DOP1A: variants seen among roughly 807,000 people sequenced by gnomAD.
DOP1A encodes DOP1 leucine zipper like protein A, also known as protein DOP1A.
In DOP1A, 90 loss-of-function variants were observed where a neutral mutation model predicts 267.6. The ratio of observed to expected loss-of-function variants is 0.34; its 90% CI spans 0.28 to 0.40. The LOEUF is 0.40. Among genes scored for constraint, DOP1A ranks in the 10% least tolerant of loss-of-function variants. The pLI is 1.00. For missense variants in DOP1A, 2,437 were observed against 2,900.4 expected, an observed-to-expected ratio of 0.84 and a Z score of 3.67; for synonymous variants, 932 against 999.1, an observed-to-expected ratio of 0.93 and a Z score of 1.27.
rs779847169 is a variant in DOP1A at position 83,124,785 on chromosome 6, T to C, written c.1421T>C (p.Leu474Ser). The change falls in exon 13 of 39, where the codon TTA becomes TCA. Residue 474 changes from leucine (L) to serine (S), a missense_variant. This residue lies in a region of DOP1A where 498 missense variants were observed against 513.5 expected (regional missense o/e 0.97). Transcript: ENST00000349129. ...SSELQLTNFC[L>S]LVDFLLDIVS... is the part of the protein sequence containing the mutation. ...GAATTACAGCTGACCAATTTCTGCT[T>C]ACTGGTGGATTTTTTGTTGGACATA... 3.7e-6 allele frequency: 6 copies of C among 1,613,094 alleles called. No homozygotes were observed. The highest frequency in any genetic ancestry group is 5.1e-6 in the Non-Finnish European group (6 of 1,179,552).
Position 83,152,314 on chromosome 6 carries a change from G to T in DOP1A, c.6076G>T (p.Ala2026Ser). Residue 2026 changes from alanine (A) to serine (S), a missense_variant, in exon 30 of 39, where the codon GCA becomes TCA. By Grantham distance (99) the Ala-to-Ser change is moderately conservative. Coordinates refer to ENST00000349129, the MANE Select transcript of DOP1A (RefSeq NM_015018.4). Reference sequence around the variant, plus strand: ...TATGTTATCACCTGCAATGGAAACCGCAAACATAACTCCTTCTGTATATAG... The same window carrying T: ...TATGTTATCACCTGCAATGGAAACCTCAAACATAACTCCTTCTGTATATAG... ...EDMLSPAMET[A>S]NITPSVYSVH... 3 of 1,568,756 alleles carry T rather than the reference G, an allele frequency of 1.9e-6. No homozygotes were observed. The highest frequency in any genetic ancestry group is 1.7e-4 in the Middle Eastern group (1 of 5,958).
chr6:83,161,819 C>G (rs368390939), intron 37 of DOP1A, among the ~76,000 whole-genome samples: 186 of 152,196 alleles, frequency 1.2e-3, no homozygotes, highest in Middle Eastern at 3.4e-3. Context: ...TCTGCTACAT[C>G]CAAGGATTTA....
At chr6:83,126,114 C>T (rs536740199) in intron 15 of DOP1A, among the ~76,000 whole-genome samples, 5 of 150,490 alleles carry the variant, frequency 3.3e-5, no homozygotes, top group Admixed American at 2.7e-4. Flanking sequence ...TTTGTACTCT[C>T]TTCAAGATCT....
rs1275269977 is a variant in DOP1A, at chr6:83,129,199, T to C, written c.2032T>C (p.Leu678=). The C allele has an allele frequency of 9.3e-6, 15 of 1,613,218 alleles. No homozygotes were observed. The highest frequency in any genetic ancestry group is 1.7e-5 in the Admixed American group (1 of 59,924). ...CCAAAAGACTGCAATGCAGTGCTGC[T>C]TGGAGTATGTCCAACAGTTTCTTAC... The part of the protein sequence containing the change: ...TAQKTAMQCC[L]EYVQQFLTRL... Residue 678 remains leucine, a synonymous_variant, in exon 16 of 39, where the codon TTG becomes CTG. Coordinates refer to ENST00000349129, the MANE Select transcript of DOP1A (RefSeq NM_015018.4).
intron 35 of DOP1A, among the ~76,000 whole-genome samples, 167 bp downstream of exon 35, chr6:83,157,485 T>C (rs1253686150): frequency 6.6e-6 from 1 of 152,234 alleles, no homozygotes; most frequent in Non-Finnish European, 1.5e-5. Flanking sequence ...TCAGATTCCA[T>C]TTCCATACAG....
chr6:83,159,659 A>G, intron 36 of DOP1A, 137 bp from the exon 37 acceptor site: 2 of 939,920 alleles, frequency 2.1e-6, no homozygotes, highest in African/African-American at 3.3e-5. Context: ...ACATTTCATC[A>G]TGACCTTGCT....
chr6:83,137,354 A>G lies in DOP1A; in HGVS notation c.3312A>G (p.Glu1104=), dbSNP rs2128264382. The G allele has an allele frequency of 1.2e-6, 2 of 1,613,820 alleles. No individual in the cohort carries two copies. The highest frequency in any genetic ancestry group is 2.2e-5 in the East Asian group (1 of 44,858). ...SDFDLPDQQI[E]ILQSSDSGCS... is the part of the protein sequence containing the mutation. ...TTGATCTTCCAGACCAACAGATAGAAATACTTCAGAGTTCTGACTCGGGAT... is the reference window on the plus strand; with the variant it reads ...TTGATCTTCCAGACCAACAGATAGAGATACTTCAGAGTTCTGACTCGGGAT... The change falls in exon 21 of 39, where the codon GAA becomes GAG. Residue 1104 remains glutamate, a synonymous_variant. Transcript: ENST00000349129.
chr6:83,097,213 A>G, intron 3 of DOP1A, 98 bp downstream of exon 3: 4 of 1,328,304 alleles, frequency 3.0e-6, no homozygotes, highest in Non-Finnish European at 2.1e-6. Flanking sequence ...GAATGCAAAA[A>G]CATAAATGAA....
chr6:83,096,805 G>A lies in DOP1A; in HGVS notation c.-72G>A. 1.5e-6 allele frequency: 1 copy of A among 645,418 alleles called. No homozygotes were observed. The highest frequency in any genetic ancestry group is 2.5e-6 in the Non-Finnish European group (1 of 398,018). 40.0% of individuals were successfully genotyped at this position (645,418 alleles called of 1,614,324 possible). On this transcript the variant is annotated 5_prime_UTR_variant, in exon 2 of 39. Coordinates refer to ENST00000349129, the MANE Select transcript of DOP1A (RefSeq NM_015018.4). ...TGACCCTGAACACTAGCTGAGGAGA[G>A]TTTCAACCACTGCTAACAGTAAGGA...
Position 83,086,439 on chromosome 6 carries a change from T to G in DOP1A, c.-146-10292T>G, listed in dbSNP as rs116299061. ...GGAGGAGAAAGAAGAGAGGTTGGTC[T>G]TGCTGTCTTGGGTAGGTAGTAGAAG... On this transcript the variant is annotated intron_variant, in intron 1 of 38. Coordinates refer to ENST00000349129, the MANE Select transcript of DOP1A (RefSeq NM_015018.4). Among the ~76,000 whole-genome samples the G allele has an allele frequency of 5.3e-3, 814 of 152,302 alleles. 10 individuals are homozygous for G. Among genetic ancestry groups the G allele is most frequent in the African/African-American group, 0.019 (779 of 41,564 alleles).
intron 4 of DOP1A, among the ~76,000 whole-genome samples, chr6:83,105,192 C>T (rs1773366391): frequency 6.6e-6 from 1 of 151,962 alleles, no homozygotes; most frequent in Non-Finnish European, 1.5e-5. Context: ...GTGTTCTATT[C>T]TCAGTATCCT....
At position 83,151,939 on chromosome 6, in the gene DOP1A, A is replaced by G. The variant is rs1417744888; in HGVS notation, c.5961A>G (p.Glu1987=). The G allele has an allele frequency of 1.5e-5, 25 of 1,613,974 alleles. No homozygotes were observed. Among genetic ancestry groups the G allele is most frequent in the Non-Finnish European group, 2.1e-5 (25 of 1,179,904 alleles). ...AIGAIAGSSL[E]QTTWLRRNLE... ...GTGCAATTGCTGGTTCTTCTCTGGA[A>G]CAGACAACATGGCTGCGACGAAATC... The change falls in exon 29 of 39, where the codon GAA becomes GAG. Residue 1987 remains glutamate, a synonymous_variant. Coordinates refer to ENST00000349129, the MANE Select transcript of DOP1A (RefSeq NM_015018.4).
At chr6:83,104,496 C>G (rs1301473872) in intron 4 of DOP1A, among the ~76,000 whole-genome samples, 3 of 151,896 alleles carry the variant, frequency 2.0e-5, no homozygotes, top group Non-Finnish European at 4.4e-5. Flanking sequence ...ACATTTTTAT[C>G]TAATTTTGTT....
chr6:83,114,181 T>C (rs1367724913), intron 7 of DOP1A, among the ~76,000 whole-genome samples: 2 of 152,094 alleles, frequency 1.3e-5, no homozygotes, highest in Non-Finnish European at 2.9e-5. Flanking sequence ...TTTTTATTCA[T>C]TATTTTATTA....
At chr6:83,097,812 T>C (rs1771767231) in intron 3 of DOP1A, among the ~76,000 whole-genome samples, 1 of 151,768 alleles carries the variant, frequency 6.6e-6, no homozygotes, top group African/African-American at 2.4e-5. Context: ...AGAGGTTACA[T>C]AGGAAAGGAG....
At position 83,137,885 on chromosome 6, in the gene DOP1A, G is replaced by A. The variant is rs139670133; in HGVS notation, c.3843G>A (p.Ser1281=). The A allele has an allele frequency of 1.8e-4, 286 of 1,612,992 alleles. 1 individual carries two copies. The highest frequency in any genetic ancestry group is 2.0e-4 in the Non-Finnish European group (236 of 1,179,758). ...AAGAAAAATTATCAGAAAAAGTTTCGGAGAAGGAAACAATAGTTAAGGAGT... is the reference window on the plus strand; with the variant it reads ...AAGAAAAATTATCAGAAAAAGTTTCAGAGAAGGAAACAATAGTTAAGGAGT... ...SFKEKLSEKV[S]EKETIVKESG... The change falls in exon 21 of 39, where the codon TCG becomes TCA. Residue 1281 remains serine, a synonymous_variant. Coordinates refer to ENST00000349129, the MANE Select transcript of DOP1A (RefSeq NM_015018.4).
chr6:83,072,818 T>G (rs1255176619), intron 1 of DOP1A, among the ~76,000 whole-genome samples: 2 of 152,212 alleles, frequency 1.3e-5, no homozygotes, highest in Admixed American at 1.3e-4. Flanking sequence ...AGAATTTTTT[T>G]ATATACCCCA....
At chr6:83,124,944 A>G (rs1418367542) in intron 13 of DOP1A, 125 bp downstream of exon 13, 3 of 934,342 alleles carry the variant, frequency 3.2e-6, no homozygotes, top group African/African-American at 3.4e-5. Context: ...CCTCTTTGGT[A>G]AGCTTTTTTC....
chr6:83,085,033 C>T (rs1768839582), intron 1 of DOP1A, among the ~76,000 whole-genome samples: 2 of 152,114 alleles, frequency 1.3e-5, no homozygotes, highest in Admixed American at 1.3e-4. Context: ...TGTTCTTAGG[C>T]AATCTGTTTT....
Sources: allele counts gnomAD v4.1 joint callset (sites outside exome capture counted in the v4.1 genomes callset), GRCh38; gene constraint gnomAD v4.1.1; regional missense constraint gnomAD v4.1.1; transcripts MANE v1.5; gene names NCBI Gene and HGNC (gene_info 2026-07-23, HGNC 2026-07-21).